Variants in FAT3 observed in about 807,000 individuals in gnomAD.
FAT3 encodes the protein FAT atypical cadherin 3, also known as protocadherin Fat 3.
A neutral mutation model predicts 310.2 loss-of-function variants in FAT3; 95 were observed. That is an observed-to-expected ratio of 0.31 (90% CI 0.26 to 0.36). The LOEUF (loss-of-function observed/expected upper bound fraction) is 0.36. Ranked by LOEUF, FAT3 falls within the 10% of genes least tolerant of loss-of-function variation. The pLI is 1.00. For synonymous variants in FAT3, 2,314 were observed against 2,192.9 expected (o/e 1.06, Z -1.54); for missense variants, 5,408 against 5,715.6 (o/e 0.95, Z 1.74).
At chr11:92,525,921 C>T (rs484928) in intron 3 of FAT3, among the ~76,000 whole-genome samples, 95,311 of 151,906 alleles carry the variant, frequency 0.63, 30,705 homozygotes, top group African/African-American at 0.79. Flanking sequence ...AAATGTCAGA[C>T]TCCCATTAAT....
Position 92,254,211 on chromosome 11 carries a change from A to G in FAT3, c.-18+29037A>G, listed in dbSNP as rs555319984. On this transcript the variant is annotated intron_variant, in intron 1 of 27. Coordinates refer to ENST00000525166, the MANE Select transcript of FAT3 (RefSeq NM_001367949.2). ...CCAGCAACGCTGCCTTCTGTCATCT[A>G]TTGAAATTGTACACCCTCTTTCACA... 2.6e-5 allele frequency among the ~76,000 whole-genome samples: 4 copies of G among 152,284 alleles called. No individual in the cohort carries two copies. The South Asian group carries it at 6.2e-4, about 24-fold the overall frequency.
intron 4 of FAT3, among the ~76,000 whole-genome samples, chr11:92,699,308 T>G (rs2135912677): frequency 6.6e-6 from 1 of 152,294 alleles, no homozygotes; most frequent in South Asian, 2.1e-4. Context: ...GACTAGAGTT[T>G]ATAATAATGT....
chr11:92,245,041 CAT>C (rs1177508243), intron 1 of FAT3, among the ~76,000 whole-genome samples: 2 of 152,060 alleles, frequency 1.3e-5, no homozygotes, highest in Admixed American at 6.6e-5. Context: ...TACATGCACA[CAT>C]GTGTTATTGC....
chr11:92,884,457 C>T (rs1949754023), intron 24 of FAT3, among the ~76,000 whole-genome samples: 1 of 152,104 alleles, frequency 6.6e-6, no homozygotes, highest in Non-Finnish European at 1.5e-5. Context: ...TTTGCTGTAA[C>T]CTATAACTTC....
At chr11:92,422,998 A>G (rs1235891962) in intron 2 of FAT3, among the ~76,000 whole-genome samples, 1 of 152,190 alleles carries the variant, frequency 6.6e-6, no homozygotes, top group Non-Finnish European at 1.5e-5. Context: ...GAAACTTGAG[A>G]TTCACTAAAG....
rs1305076760 is a variant in FAT3, at chr11:92,867,072, C to T, written c.11990C>T (p.Pro3997Leu). 6.3e-7 allele frequency: 1 copy of T among 1,591,138 alleles called. No individual in the cohort carries two copies. Among genetic ancestry groups the T allele is most frequent in the Non-Finnish European group, 8.6e-7 (1 of 1,169,124 alleles). ...GTGATACTGAATAACAATGAGCTGC[C>T]GCTGCAGAACAAGCGCAGCAGCTTC... is the stretch of plus-strand genomic sequence containing the variant. ...DSVILNNNEL[P>L]LQNKRSSFAE... The change falls in exon 22 of 28, where the codon CCG (proline) becomes CTG (leucine). Residue 3997 changes from proline to leucine, a missense_variant. Coordinates refer to ENST00000525166, the MANE Select transcript of FAT3 (RefSeq NM_001367949.2).
At chr11:92,651,594 C>A (rs1475000830) in intron 3 of FAT3, among the ~76,000 whole-genome samples, 1 of 152,166 alleles carries the variant, frequency 6.6e-6, no homozygotes, top group African/African-American at 2.4e-5. Flanking sequence ...ATCCACCTGT[C>A]CCTACTGCAT....
chr11:92,864,545 C>T (rs1172221766), intron 21 of FAT3, among the ~76,000 whole-genome samples: 3 of 152,136 alleles, frequency 2.0e-5, no homozygotes, highest in East Asian at 1.9e-4. Flanking sequence ...AGGCTGAGTG[C>T]GGTGGCCCAC....
chr11:92,253,810 G>A (rs2134284181), intron 1 of FAT3, among the ~76,000 whole-genome samples: 1 of 152,198 alleles, frequency 6.6e-6, no homozygotes, highest in South Asian at 2.1e-4. Flanking sequence ...TGAGGAATTT[G>A]TTTACTGCAG....
intron 1 of FAT3, among the ~76,000 whole-genome samples, chr11:92,318,339 C>T (rs1009640079): frequency 1.3e-5 from 2 of 152,120 alleles, no homozygotes; most frequent in African/African-American, 2.4e-5. Flanking sequence ...TCTTTTTTCA[C>T]GTAGTCATTT....
intron 1 of FAT3, among the ~76,000 whole-genome samples, chr11:92,247,408 C>T (rs978315656): frequency 6.6e-6 from 1 of 151,702 alleles, no homozygotes; most frequent in African/African-American, 2.4e-5. Context: ...TGTGACATGC[C>T]TCTTCTGCAA....
intron 1 of FAT3, among the ~76,000 whole-genome samples, chr11:92,251,422 G>T (rs1055867693): frequency 2.0e-5 from 3 of 151,880 alleles, no homozygotes; most frequent in Non-Finnish European, 4.4e-5. Flanking sequence ...AATGTGACAG[G>T]CAAAAAAAGC....
intron 1 of FAT3, among the ~76,000 whole-genome samples, chr11:92,237,965 T>C (rs1864502408): frequency 6.6e-6 from 1 of 152,158 alleles, no homozygotes; most frequent in Non-Finnish European, 1.5e-5. Flanking sequence ...GCATACGCAC[T>C]TTTGTTCTGG....
intron 1 of FAT3, among the ~76,000 whole-genome samples, chr11:92,277,001 A>G (rs2134352161): frequency 6.6e-6 from 1 of 152,234 alleles, no homozygotes; most frequent in South Asian, 2.1e-4. Context: ...GATTGCTTGC[A>G]GCTGTAGCTT....
intron 3 of FAT3, among the ~76,000 whole-genome samples, chr11:92,570,844 A>G (rs1157492353): frequency 2.0e-5 from 3 of 152,152 alleles, no homozygotes; most frequent in Non-Finnish European, 2.9e-5. Context: ...GAACTAAACT[A>G]TGAGCAAGAT....
intron 7 of FAT3, among the ~76,000 whole-genome samples, chr11:92,782,994 C>G (rs941721955): frequency 6.6e-6 from 1 of 152,188 alleles, no homozygotes; most frequent in African/African-American, 2.4e-5. Flanking sequence ...ACAACAGACT[C>G]CCACAGGGCA....
At chr11:92,401,205 G>C (rs569557466) in intron 2 of FAT3, among the ~76,000 whole-genome samples, 1 of 152,168 alleles carries the variant, frequency 6.6e-6, no homozygotes, top group Non-Finnish European at 1.5e-5. Flanking sequence ...CTGAGTGCAG[G>C]CTAGTGGGAG....
At chr11:92,660,484 G>A (rs78042273) in intron 3 of FAT3, among the ~76,000 whole-genome samples, 264 of 152,258 alleles carry the variant, frequency 1.7e-3, no homozygotes, top group African/African-American at 5.9e-3. Context: ...GCTTAGAGCA[G>A]AGGTGTGTCT....
At chr11:92,475,636 A>G (rs1160660884) in intron 2 of FAT3, among the ~76,000 whole-genome samples, 1 of 152,168 alleles carries the variant, frequency 6.6e-6, no homozygotes, top group African/African-American at 2.4e-5. Context: ...TTACCAGAGG[A>G]AGACTGGAAA....
Sources: gnomAD v4.1 joint callset for allele counts (sites outside exome capture counted in the v4.1 genomes callset) on GRCh38, gnomAD v4.1.1 for gene constraint, MANE v1.5 for transcripts, NCBI Gene and HGNC (gene_info 2026-07-23, HGNC 2026-07-21) for gene names.